The following MYLK4 variants were observed in gnomAD, a reference collection of about 807,000 sequenced individuals.
The protein encoded by MYLK4 is myosin light chain kinase family member 4.
MYLK4 carries 46 observed loss-of-function variants against 48.1 expected under a neutral mutation model. That is an observed-to-expected ratio of 0.96 (90% CI 0.75 to 1.22). The LOEUF (loss-of-function observed/expected upper bound fraction) is 1.22, where lower values mean the gene tolerates loss of function less well. Among genes scored for constraint, MYLK4 ranks in the 50% most tolerant of loss-of-function variants. The probability of loss-of-function intolerance (pLI) is 0.00; values close to 1 mark genes in which losing one functional copy is unlikely to be tolerated. For missense variants in MYLK4, 451 were observed against 486.1 expected, an observed-to-expected ratio of 0.93 and a Z score of 0.68; for synonymous variants, 170 against 180.8, an observed-to-expected ratio of 0.94 and a Z score of 0.48.
chr6:2,727,686 C>T (rs375319069), intron 2 of MYLK4, among the ~76,000 whole-genome samples: 5 of 152,120 alleles, frequency 3.3e-5, no homozygotes, highest in East Asian at 1.9e-4. Flanking sequence ...CTATCATTCA[C>T]GCCTGTAATC....
intron 2 of MYLK4, among the ~76,000 whole-genome samples, chr6:2,699,268 A>G (rs6917059): frequency 0.19 from 23,818 of 126,400 alleles, 2,741 homozygotes; most frequent in Non-Finnish European, 0.28. Context: ...AAAGCATGCT[A>G]CCACTTTTCT....
chr6:2,765,503 T>G, the MYLK4 span: 4 of 1,242,712 alleles, frequency 3.2e-6, no homozygotes, highest in Non-Finnish European at 4.1e-6. Flanking sequence ...CCCGCGAGCG[T>G]CCTGCTGGTT....
At chr6:2,726,478 CTT>C (rs1254975655) in intron 2 of MYLK4, among the ~76,000 whole-genome samples, 1 of 152,118 alleles carries the variant, frequency 6.6e-6, no homozygotes, top group African/African-American at 2.4e-5. Flanking sequence ...CTCACTCCAA[CTT>C]AGAGGAGACA....
At chr6:2,746,066 T>A (rs1402002745) in intron 2 of MYLK4, among the ~76,000 whole-genome samples, 1 of 151,364 alleles carries the variant, frequency 6.6e-6, no homozygotes, top group Non-Finnish European at 1.5e-5. Context: ...GCCTGACCAA[T>A]GTGGTGAAAC....
chr6:2,738,999 G>C lies in MYLK4; in HGVS notation c.159+10137C>G, dbSNP rs549576173. On this transcript the variant is annotated intron_variant, in intron 2 of 12. Transcript: ENST00000274643. The stretch of plus-strand genomic sequence containing the variant: ...ATTGTTAATAGTTGATAAATATTTT[G>C]AATTCAGTTAAAATTTCTACAAAGA... Among the ~76,000 whole-genome samples, 16 of 152,262 alleles carry C rather than the reference G, an allele frequency of 1.1e-4. 1 individual carries two copies. The East Asian group carries it at 3.1e-3, about 29-fold the overall frequency.
the MYLK4 span, among the ~76,000 whole-genome samples, chr6:2,762,200 A>C: frequency 6.6e-6 from 1 of 152,100 alleles, no homozygotes; most frequent in South Asian, 2.1e-4. Flanking sequence ...GTTTATATTA[A>C]TTCTATCTCT....
chr6:2,744,385 G>A (rs371801265), intron 2 of MYLK4, among the ~76,000 whole-genome samples: 14 of 152,374 alleles, frequency 9.2e-5, no homozygotes, highest in African/African-American at 3.4e-4. Context: ...TGGCTGCCGA[G>A]GCTGGGCCAC....
intron 3 of MYLK4, among the ~76,000 whole-genome samples, chr6:2,690,092 G>A (rs1233037051): frequency 6.6e-6 from 1 of 152,174 alleles, no homozygotes; most frequent in East Asian, 1.9e-4. Context: ...TGTAATGCTT[G>A]CTGGAGAAGG....
At position 2,672,362 on chromosome 6, in the gene MYLK4, C is replaced by T. The variant is rs944144920; in HGVS notation, c.1120-1014G>A. 6.6e-6 allele frequency among the ~76,000 whole-genome samples: 1 copy of T among 152,012 alleles called. No individual in the cohort carries two copies. The highest frequency in any genetic ancestry group is 1.5e-5 in the Non-Finnish European group (1 of 68,012). ...GGACGTAAGAAAGGCTGCAAACCATCGCATGTCACCTTGAGCATAATACAG... is the reference window on the plus strand; with the variant it reads ...GGACGTAAGAAAGGCTGCAAACCATTGCATGTCACCTTGAGCATAATACAG... On this transcript the variant is annotated intron_variant, in intron 11 of 12. Transcript: ENST00000274643. The surrounding 1 kb of genome is among the most constrained non-coding windows in gnomAD (Gnocchi z 4.3).
intron 6 of MYLK4, among the ~76,000 whole-genome samples, chr6:2,684,641 C>G (rs1224920598): frequency 6.6e-6 from 1 of 151,862 alleles, no homozygotes; most frequent in South Asian, 2.1e-4. Context: ...AAAAATAATA[C>G]AAATTTTTAA....
At chr6:2,715,567 C>T (rs1762838689) in intron 2 of MYLK4, among the ~76,000 whole-genome samples, 1 of 152,130 alleles carries the variant, frequency 6.6e-6, no homozygotes, top group African/African-American at 2.4e-5. Context: ...AGGTTTTTCC[C>T]TCCTACCTGA....
chr6:2,678,383 C>T lies in MYLK4; in HGVS notation c.888-11G>A, dbSNP rs376817113. The stretch of plus-strand genomic sequence containing the variant: ...GACAAACCGCTAAGTCTGGAGGACA[C>T]GGGGTCCAGAGTGAGTATTTTTTAA... On this transcript the variant is annotated splice_polypyrimidine_tract_variant and intron_variant, in intron 9 of 12. Coordinates refer to ENST00000274643, the MANE Select transcript of MYLK4 (RefSeq NM_001012418.5). The T allele has an allele frequency of 1.4e-5, 22 of 1,613,130 alleles. No homozygotes were observed. The highest frequency in any genetic ancestry group is 2.2e-5 in the East Asian group (1 of 44,878).
In MYLK4 at chr6:2,671,306, TG is replaced by T. The variant is rs1760885411; in HGVS notation, c.1161del (p.Lys388AsnfsTer24). ...NRGSDAQDFV[T>X]K is the part of the protein sequence containing the mutation. The stretch of plus-strand genomic sequence containing the variant: ...AAATGGCTGCCTCCTGTAGACTATT[TG>T]GTCACAAAGTCCTGGGCATCAGAGC... On this transcript the variant is annotated frameshift_variant, in exon 12 of 13. Coordinates refer to ENST00000274643, the MANE Select transcript of MYLK4 (RefSeq NM_001012418.5). LOFTEE classifies it high-confidence loss of function. 6.2e-7 allele frequency: 1 copy of T among 1,613,944 alleles called. No individual in the cohort carries two copies. Among genetic ancestry groups the T allele is most frequent in the South Asian group, 1.1e-5 (1 of 91,044 alleles).
At chr6:2,679,583 C>A in intron 8 of MYLK4, 175 bp from the exon 9 acceptor site, 2 of 812,138 alleles carry the variant, frequency 2.5e-6, no homozygotes, top group East Asian at 2.6e-5. Flanking sequence ...TAAAGAGGCC[C>A]CAGAAAATTT....
the MYLK4 span, among the ~76,000 whole-genome samples, chr6:2,764,291 C>T: frequency 6.6e-6 from 1 of 152,158 alleles, no homozygotes; most frequent in Admixed American, 6.5e-5. Flanking sequence ...GGTGGCTCAG[C>T]CTGTAACCCC....
intron 2 of MYLK4, among the ~76,000 whole-genome samples, chr6:2,742,743 A>T (rs1050317797): frequency 2.8e-5 from 4 of 143,406 alleles, no homozygotes; most frequent in African/African-American, 1.0e-4. Context: ...GGGGAGGGAT[A>T]GCATTAGGAG....
At chr6:2,760,070 C>T in the MYLK4 span, among the ~76,000 whole-genome samples, 1 of 152,094 alleles carries the variant, frequency 6.6e-6, no homozygotes, top group South Asian at 2.1e-4. Flanking sequence ...ATTTATATAG[C>T]ATTTACATTG....
chr6:2,754,251 G>C (rs528483949), upstream of MYLK4, among the ~76,000 whole-genome samples: 4 of 152,254 alleles, frequency 2.6e-5, no homozygotes, highest in African/African-American at 9.6e-5. Flanking sequence ...ATTCACAATA[G>C]CCAAAAACTG....
At chr6:2,683,956 AC>A (rs1409665306) in intron 6 of MYLK4, among the ~76,000 whole-genome samples, 21 of 152,178 alleles carry the variant, frequency 1.4e-4, no homozygotes, top group African/African-American at 5.1e-4. Context: ...ACCTTCCAAG[AC>A]CCTCCGTGGA....
Sources: allele counts gnomAD v4.1 joint callset (sites outside exome capture counted in the v4.1 genomes callset), GRCh38; gene constraint gnomAD v4.1.1; non-coding constraint Gnocchi (gnomAD v3.1); transcripts MANE v1.5; gene names NCBI Gene and HGNC (gene_info 2026-07-23, HGNC 2026-07-21).